Variants in ARHGAP24 observed in about 807,000 individuals in gnomAD.
The protein encoded by ARHGAP24 is Rho GTPase activating protein 24, also known as rho GTPase-activating protein 24.
Under a neutral mutation model 76.4 loss-of-function variants are expected in ARHGAP24, and 50 were observed. That is an observed-to-expected ratio of 0.65 (90% CI 0.52 to 0.83). The LOEUF is 0.83. Ranked by LOEUF, ARHGAP24 falls within the 40% of genes least tolerant of loss-of-function variation. The pLI is 0.00. For synonymous variants in ARHGAP24, 345 were observed against 323.3 expected (o/e 1.07, Z -0.72); for missense variants, 930 against 914.2 (o/e 1.02, Z -0.22).
At chr4:85,710,579 C>G (rs879625786) in intron 2 of ARHGAP24, among the ~76,000 whole-genome samples, 1 of 151,976 alleles carries the variant, frequency 6.6e-6, no homozygotes, top group Non-Finnish European at 1.5e-5. Context: ...GACAAAGGTC[C>G]AACATCTAGC....
intron 3 of ARHGAP24, among the ~76,000 whole-genome samples, chr4:85,824,190 C>T (rs1263510186): frequency 6.6e-6 from 1 of 152,148 alleles, no homozygotes; most frequent in Admixed American, 6.5e-5. Flanking sequence ...TTGCTAAAAG[C>T]TTTCACATTT....
chr4:85,551,838 G>GTTT (rs34604630), intron 1 of ARHGAP24, among the ~76,000 whole-genome samples: 3 of 151,850 alleles, frequency 2.0e-5, no homozygotes, highest in Admixed American at 6.5e-5. Context: ...GTCTCTGAGG[G>GTTT]TTTTTTTGTA....
intron 2 of ARHGAP24, among the ~76,000 whole-genome samples, chr4:85,626,962 T>C (rs1269687809): frequency 6.6e-6 from 1 of 152,186 alleles, no homozygotes; most frequent in African/African-American, 2.4e-5. Flanking sequence ...TTGGTTATTC[T>C]AGTTATCCAT....
At chr4:85,610,779 A>G (rs1720356343) in intron 2 of ARHGAP24, among the ~76,000 whole-genome samples, 1 of 152,088 alleles carries the variant, frequency 6.6e-6, no homozygotes, top group Non-Finnish European at 1.5e-5. Context: ...CTGTCTCTTC[A>G]TTGTCTTTCC....
chr4:85,546,690 C>G (rs1359448412), intron 1 of ARHGAP24, among the ~76,000 whole-genome samples: 1 of 152,154 alleles, frequency 6.6e-6, no homozygotes, highest in Non-Finnish European at 1.5e-5. Flanking sequence ...ATTATAATAG[C>G]ACTACTTGAA....
At chr4:85,481,921 G>A (rs774923591) in intron 1 of ARHGAP24, among the ~76,000 whole-genome samples, 12 of 152,192 alleles carry the variant, frequency 7.9e-5, no homozygotes, top group Non-Finnish European at 1.6e-4. Context: ...GGATTTCAAA[G>A]CCAGTCTTTC....
intron 3 of ARHGAP24, among the ~76,000 whole-genome samples, chr4:85,885,863 A>C (rs1029897105): frequency 3.3e-5 from 5 of 152,074 alleles, no homozygotes; most frequent in Admixed American, 6.6e-5. Context: ...TACTTTATTT[A>C]TTATCTTTTA....
chr4:85,894,179 G>A (rs537371060), intron 3 of ARHGAP24, among the ~76,000 whole-genome samples: 3 of 151,774 alleles, frequency 2.0e-5, no homozygotes, highest in African/African-American at 7.2e-5. Flanking sequence ...CTTATTTGGG[G>A]ATATTCTGTG....
chr4:86,000,366 A>T, intron 9 of ARHGAP24, 113 bp from the exon 10 acceptor site: 1 of 818,974 alleles, frequency 1.2e-6, no homozygotes, highest in Non-Finnish European at 2.0e-6. Context: ...TTTCCTAAGC[A>T]TCATAAAGAG....
chr4:85,876,416 A>G (rs958958615), intron 3 of ARHGAP24, among the ~76,000 whole-genome samples: 8 of 152,152 alleles, frequency 5.3e-5, no homozygotes. Flanking sequence ...ATTGAATGCT[A>G]TAACCCGTTA....
At chr4:85,815,038 T>C (rs1445878604) in intron 3 of ARHGAP24, among the ~76,000 whole-genome samples, 1 of 150,844 alleles carries the variant, frequency 6.6e-6, no homozygotes, top group Non-Finnish European at 1.5e-5. Flanking sequence ...TCTGAAGCCA[T>C]GGCCCGAGCT....
chr4:85,728,193 G>A (rs1407597190), intron 3 of ARHGAP24, among the ~76,000 whole-genome samples: 2 of 148,010 alleles, frequency 1.4e-5, no homozygotes, highest in African/African-American at 2.5e-5. Context: ...AGAGGACATG[G>A]GTGCCTAAAG....
At chr4:85,708,772 A>G (rs1724411192) in intron 2 of ARHGAP24, among the ~76,000 whole-genome samples, 4 of 152,158 alleles carry the variant, frequency 2.6e-5, no homozygotes, top group Admixed American at 2.0e-4. Flanking sequence ...ACAGAGCTCA[A>G]ATCGCCTAAG....
At chr4:85,510,292 T>C (rs1370172036) in intron 1 of ARHGAP24, among the ~76,000 whole-genome samples, 1 of 152,208 alleles carries the variant, frequency 6.6e-6, no homozygotes, top group Non-Finnish European at 1.5e-5. Context: ...TTTCATTCTG[T>C]GTCAGCTGGC....
chr4:85,994,274 G>A (rs932467199), intron 8 of ARHGAP24, among the ~76,000 whole-genome samples: 1 of 152,104 alleles, frequency 6.6e-6, no homozygotes, highest in East Asian at 1.9e-4. Flanking sequence ...CCTGGGTCTG[G>A]TCCTTAACGT....
At chr4:85,800,419 G>C (rs1234695242) in intron 3 of ARHGAP24, among the ~76,000 whole-genome samples, 1 of 152,082 alleles carries the variant, frequency 6.6e-6, no homozygotes, top group Non-Finnish European at 1.5e-5. Flanking sequence ...TAGGTCCCAG[G>C]CTGAATGAAA....
chr4:85,627,697 T>C lies in ARHGAP24; in HGVS notation c.180+56976T>C, dbSNP rs578079888. 1.5e-3 allele frequency among the ~76,000 whole-genome samples: 233 copies of C among 152,336 alleles called. 1 individual carries two copies. The highest frequency in any genetic ancestry group is 5.5e-3 in the African/African-American group (227 of 41,594). ...AGCCTACAGACGCAGGCAGGCCTCC[T>C]TGAGCTGTGGTGGGCTCCACCCAGT... On this transcript the variant is annotated intron_variant, in intron 2 of 9. Coordinates refer to ENST00000395184, the MANE Select transcript of ARHGAP24 (RefSeq NM_001025616.3).
intron 8 of ARHGAP24, chr4:85,992,102 T>C: frequency 2.5e-6 from 1 of 397,602 alleles, no homozygotes. Context: ...CTCTTCAGAA[T>C]GGGCTGGTGA....
At chr4:85,485,671 T>A (rs552929998) in intron 1 of ARHGAP24, among the ~76,000 whole-genome samples, 1 of 151,684 alleles carries the variant, frequency 6.6e-6, no homozygotes, top group East Asian at 1.9e-4. Flanking sequence ...TAGAGTAAAT[T>A]CTTTTTAAGG....
Sources: gnomAD v4.1 joint callset for allele counts (sites outside exome capture counted in the v4.1 genomes callset) on GRCh38, gnomAD v4.1.1 for gene constraint, MANE v1.5 for transcripts, NCBI Gene and HGNC (gene_info 2026-07-23, HGNC 2026-07-21) for gene names.